The following IL1RAPL1 variants were observed in gnomAD, a reference collection of about 807,000 sequenced individuals.
IL1RAPL1 encodes the protein interleukin-1 receptor accessory protein-like 1.
IL1RAPL1 carries 3 observed loss-of-function variants against 48.4 expected under a neutral mutation model. The observed-to-expected ratio is 0.06, with a 90% CI of 0.03 to 0.16. IL1RAPL1 has a LOEUF of 0.16. IL1RAPL1 is among the 10% of genes least tolerant of loss of function. The pLI, the probability that IL1RAPL1 is intolerant of heterozygous loss-of-function variation, is 1.00. For missense variants in IL1RAPL1, 349 were observed against 530.6 expected (o/e 0.66, Z 3.36); for synonymous variants, 185 against 187.7 (o/e 0.99, Z 0.12).
chrX:29,777,582 A>G (rs923005833), intron 6 of IL1RAPL1, among the ~76,000 whole-genome samples: 1 of 111,775 alleles, frequency 8.9e-6, no homozygotes, highest in Non-Finnish European at 1.9e-5. Context: ...CAGACATACT[A>G]GCCTAGCAAA....
chrX:28,965,784 A>G (rs1020423828), intron 2 of IL1RAPL1, among the ~76,000 whole-genome samples: 4 of 112,136 alleles, frequency 3.6e-5, no homozygotes, highest in African/African-American at 9.7e-5. Flanking sequence ...CCTTTATACC[A>G]TGAAATTATT....
intron 3 of IL1RAPL1, 74 bp downstream of exon 3, chrX:29,283,291 A>T (rs924774286): frequency 3.8e-6 from 4 of 1,046,445 alleles, no homozygotes; most frequent in Non-Finnish European, 4.0e-6. Flanking sequence ...TGTTGCTGCT[A>T]TCTCTTTTGC....
At chrX:29,546,416 T>A (rs989485180) in intron 5 of IL1RAPL1, among the ~76,000 whole-genome samples, 1 of 111,620 alleles carries the variant, frequency 9.0e-6, no homozygotes, top group Admixed American at 9.6e-5. Flanking sequence ...AAATAGCATG[T>A]GTCCTTTTTA....
At chrX:29,201,512 TAA>T (rs1328925425) in intron 2 of IL1RAPL1, among the ~76,000 whole-genome samples, 1 of 111,621 alleles carries the variant, frequency 9.0e-6, no homozygotes, top group East Asian at 2.8e-4. Flanking sequence ...AGTCATAATA[TAA>T]AGAGTCCCTT....
chrX:28,936,544 A>G (rs959211961), intron 2 of IL1RAPL1, among the ~76,000 whole-genome samples: 2 of 110,421 alleles, frequency 1.8e-5, no homozygotes, highest in African/African-American at 6.6e-5. Context: ...GTAATGATAT[A>G]ATAACCATTT....
chrX:29,298,828 T>C (rs1171998112), intron 3 of IL1RAPL1, among the ~76,000 whole-genome samples: 3 of 111,736 alleles, frequency 2.7e-5, no homozygotes, highest in Admixed American at 9.6e-5. Context: ...TATCATTTTT[T>C]CAAGATGCAT....
intron 6 of IL1RAPL1, among the ~76,000 whole-genome samples, chrX:29,850,803 C>T (rs978110736): frequency 8.9e-6 from 1 of 112,318 alleles, no homozygotes; most frequent in Non-Finnish European, 1.9e-5. Context: ...TTCCACTAAA[C>T]GCAGTCTAAG....
intron 5 of IL1RAPL1, among the ~76,000 whole-genome samples, chrX:29,451,917 G>A (rs2147727233): frequency 8.9e-6 from 1 of 111,955 alleles, no homozygotes; most frequent in South Asian, 3.7e-4. Context: ...AAGGAGTACA[G>A]GTTTCAATGC....
chrX:29,128,486 T>C (rs1341166285), intron 2 of IL1RAPL1, among the ~76,000 whole-genome samples: 1 of 111,672 alleles, frequency 9.0e-6, no homozygotes, highest in African/African-American at 3.3e-5. Context: ...GCACCTTCTG[T>C]CTCTTTGACT....
chrX:29,813,701 A>C (rs776499447), intron 6 of IL1RAPL1, among the ~76,000 whole-genome samples: 20 of 111,156 alleles, frequency 1.8e-4, no homozygotes, highest in African/African-American at 6.5e-4. Context: ...GGTAGTGAGC[A>C]TAGTACCCAA....
chrX:29,109,250 G>A (rs1928511533), intron 2 of IL1RAPL1, among the ~76,000 whole-genome samples: 1 of 106,732 alleles, frequency 9.4e-6, no homozygotes, highest in Admixed American at 1.0e-4. Flanking sequence ...AAGAAGATAG[G>A]TTATTGAGGA....
intron 2 of IL1RAPL1, among the ~76,000 whole-genome samples, chrX:29,203,271 T>G (rs1251199386): frequency 1.8e-5 from 2 of 111,548 alleles, no homozygotes; most frequent in African/African-American, 3.3e-5. Flanking sequence ...TTATTTGTTT[T>G]TATTGATACA....
intron 5 of IL1RAPL1, among the ~76,000 whole-genome samples, chrX:29,509,202 C>T (rs777953593): frequency 2.2e-4 from 25 of 111,990 alleles, no homozygotes; most frequent in South Asian, 1.1e-3. Context: ...CTGGAATTCT[C>T]AGGTACAAAC....
At chrX:29,883,101 C>G (rs1329642965) in intron 6 of IL1RAPL1, among the ~76,000 whole-genome samples, 1 of 111,884 alleles carries the variant, frequency 8.9e-6, no homozygotes, top group Non-Finnish European at 1.9e-5. Context: ...TATCCTTTCA[C>G]TATAATTTCC....
intron 2 of IL1RAPL1, among the ~76,000 whole-genome samples, chrX:28,868,887 C>T (rs926587487): frequency 1.8e-5 from 2 of 111,672 alleles, no homozygotes; most frequent in African/African-American, 6.5e-5. Flanking sequence ...TTGTATTGAT[C>T]GTTGATTTTA....
chrX:28,924,327 G>T (rs1923685683), intron 2 of IL1RAPL1, among the ~76,000 whole-genome samples: 2 of 111,938 alleles, frequency 1.8e-5, no homozygotes, highest in African/African-American at 6.5e-5. Flanking sequence ...ATTTTTTAAA[G>T]ATTACATGCA....
chrX:28,798,799 C>A (rs1342042170), intron 2 of IL1RAPL1, among the ~76,000 whole-genome samples: 1 of 110,858 alleles, frequency 9.0e-6, no homozygotes, highest in Non-Finnish European at 1.9e-5. Context: ...ATAAAAGGTG[C>A]AGAGGGTTTG....
At chrX:28,677,626 C>T (rs767225060) in intron 1 of IL1RAPL1, among the ~76,000 whole-genome samples, 2 of 109,586 alleles carry the variant, frequency 1.8e-5, no homozygotes, top group South Asian at 7.9e-4. Flanking sequence ...CTCACTGTGT[C>T]ACCCAGGCTG....
At chrX:29,885,045 C>G (rs866219276) in intron 6 of IL1RAPL1, among the ~76,000 whole-genome samples, 1 of 110,900 alleles carries the variant, frequency 9.0e-6, no homozygotes, top group Admixed American at 9.6e-5. Flanking sequence ...TTCATCCCCC[C>G]GTCTTAGCAT....
Sources: allele counts gnomAD v4.1 joint callset (sites outside exome capture counted in the v4.1 genomes callset), GRCh38; gene constraint gnomAD v4.1.1; transcripts MANE v1.5; gene names NCBI Gene and HGNC (gene_info 2026-07-23, HGNC 2026-07-21).